Variants in PLCB4 observed in about 807,000 individuals in gnomAD.
PLCB4 encodes 1-phosphatidylinositol 4,5-bisphosphate phosphodiesterase beta-4.
In PLCB4, 77 loss-of-function variants were observed where a neutral mutation model predicts 178.8. The ratio of observed to expected loss-of-function variants is 0.43; its 90% confidence interval spans 0.36 to 0.52. The LOEUF is 0.52. PLCB4 is among the 20% of genes least tolerant of loss of function. The pLI is 0.00. For missense variants in PLCB4, 1,024 were observed against 1,453.4 expected (o/e 0.70, Z 4.80); for synonymous variants, 496 against 490.8 (o/e 1.01, Z -0.14).
chr20:9,409,026 C>CT (rs1448027362), intron 23 of PLCB4, 31 bp from the exon 24 acceptor site: 12 of 1,602,410 alleles, frequency 7.5e-6, no homozygotes, highest in Middle Eastern at 3.4e-4. Flanking sequence ...CTGTAGGACT[C>CT]TTTTTTTCTG....
chr20:9,459,946 T>A, intron 35 of PLCB4, 136 bp downstream of exon 35: 1 of 614,874 alleles, frequency 1.6e-6, no homozygotes, highest in Non-Finnish European at 2.9e-6. Context: ...TATCTCATCA[T>A]ATGGCTGATT....
chr20:9,305,870 C>T (rs558028288), intron 3 of PLCB4, among the ~76,000 whole-genome samples: 210 of 152,252 alleles, frequency 1.4e-3, no homozygotes, highest in Non-Finnish European at 2.2e-3. Context: ...TCGTCATTTA[C>T]CTCTAGCTTA....
intron 35 of PLCB4, among the ~76,000 whole-genome samples, chr20:9,463,944 A>G (rs566668804): frequency 5.9e-5 from 9 of 152,326 alleles, no homozygotes; most frequent in Admixed American, 5.9e-4. Context: ...AGACATCTAC[A>G]GGACTCTCCA....
intron 2 of PLCB4, among the ~76,000 whole-genome samples, chr20:9,162,203 A>G (rs372958178): frequency 1.3e-5 from 2 of 152,340 alleles, no homozygotes; most frequent in East Asian, 3.9e-4. Context: ...CCCTGAAACA[A>G]TGAGTTGACT....
intron 7 of PLCB4, among the ~76,000 whole-genome samples, chr20:9,359,591 G>T (rs2035140701): frequency 6.6e-6 from 1 of 152,208 alleles, no homozygotes; most frequent in East Asian, 1.9e-4. Context: ...TGGTTCCCTA[G>T]CACCCAGGCT....
At chr20:9,468,536 C>T (rs1450075481) in intron 35 of PLCB4, 35 bp from the exon 36 acceptor site, 1 of 1,256,488 alleles carries the variant, frequency 8.0e-7, no homozygotes, top group Admixed American at 1.7e-5. Flanking sequence ...TCTCCATCCC[C>T]CCTCCCTGTT....
chr20:9,420,158 G>A (rs2040527970), intron 26 of PLCB4, among the ~76,000 whole-genome samples: 1 of 152,020 alleles, frequency 6.6e-6, no homozygotes, highest in Non-Finnish European at 1.5e-5. Context: ...TCTAGAAAAT[G>A]CAAATTATAG....
At chr20:9,267,135 C>G (rs1398213939) in intron 3 of PLCB4, among the ~76,000 whole-genome samples, 2 of 152,166 alleles carry the variant, frequency 1.3e-5, no homozygotes, top group Non-Finnish European at 2.9e-5. Context: ...GGTACTCTCT[C>G]TAGTCACAGT....
chr20:9,347,735 T>C (rs1261331773), intron 7 of PLCB4, among the ~76,000 whole-genome samples: 1 of 152,156 alleles, frequency 6.6e-6, no homozygotes, highest in African/African-American at 2.4e-5. Context: ...CCCAGCAGTT[T>C]GGGAGGCTGA....
chr20:9,325,306 A>T (rs895566842), intron 4 of PLCB4, among the ~76,000 whole-genome samples: 6 of 152,112 alleles, frequency 3.9e-5, no homozygotes, highest in Admixed American at 1.3e-4. Flanking sequence ...GTTCCTCTTT[A>T]ATTTTTCCTT....
intron 1 of PLCB4, among the ~76,000 whole-genome samples, chr20:9,071,112 A>T (rs1350936615): frequency 6.6e-6 from 1 of 152,198 alleles, no homozygotes; most frequent in African/African-American, 2.4e-5. Context: ...TATGAGATAA[A>T]GAAATATGGT....
intron 3 of PLCB4, among the ~76,000 whole-genome samples, chr20:9,245,942 GT>G (rs2094121001): frequency 6.6e-6 from 1 of 151,952 alleles, no homozygotes; most frequent in Non-Finnish European, 1.5e-5. Context: ...AATATCTGCT[GT>G]TTTTAAGCTG....
chr20:9,245,474 C>T (rs929773506), intron 3 of PLCB4, among the ~76,000 whole-genome samples: 1 of 152,010 alleles, frequency 6.6e-6, no homozygotes, highest in African/African-American at 2.4e-5. Context: ...TAGGCCCTGC[C>T]CTAAATTTAG....
At chr20:9,433,251 A>G (rs886331539) in intron 28 of PLCB4, among the ~76,000 whole-genome samples, 1 of 152,240 alleles carries the variant, frequency 6.6e-6, no homozygotes, top group African/African-American at 2.4e-5. Flanking sequence ...TGATGCATAT[A>G]AAGTCACAGC....
chr20:9,175,105 CA>C (rs2093132562), intron 2 of PLCB4, among the ~76,000 whole-genome samples: 1 of 152,182 alleles, frequency 6.6e-6, no homozygotes, highest in East Asian at 1.9e-4. Context: ...CCATCAGCAT[CA>C]GCATTACCTG....
intron 1 of PLCB4, among the ~76,000 whole-genome samples, chr20:9,082,441 C>T (rs1010733258): frequency 3.9e-5 from 6 of 152,032 alleles, no homozygotes; most frequent in African/African-American, 1.4e-4. Flanking sequence ...TTCACCAGGC[C>T]CCCCTCCCCA....
intron 3 of PLCB4, among the ~76,000 whole-genome samples, chr20:9,265,771 C>T (rs1290447731): frequency 6.6e-6 from 1 of 152,172 alleles, no homozygotes; most frequent in African/African-American, 2.4e-5. Flanking sequence ...CTTACAGAAA[C>T]TTCTAGCAGT....
chr20:9,173,064 A>G (rs2093090398), intron 2 of PLCB4, among the ~76,000 whole-genome samples: 1 of 152,186 alleles, frequency 6.6e-6, no homozygotes, highest in Non-Finnish European at 1.5e-5. Flanking sequence ...CTTTGCTTGC[A>G]GTGCCTCCTG....
intron 3 of PLCB4, among the ~76,000 whole-genome samples, chr20:9,288,788 A>G (rs2094556513): frequency 6.6e-6 from 1 of 152,088 alleles, no homozygotes. Context: ...CATTGAGCTT[A>G]AAGACCAAAA....
Sources: allele counts gnomAD v4.1 joint callset (sites outside exome capture counted in the v4.1 genomes callset), GRCh38; gene constraint gnomAD v4.1.1; transcripts MANE v1.5; gene names NCBI Gene and HGNC (gene_info 2026-07-23, HGNC 2026-07-21).